ANK2: variants seen among roughly 807,000 people sequenced by gnomAD.
ANK2 encodes the protein ankyrin 2.
ANK2 carries 83 observed loss-of-function variants against 360.5 expected under a neutral mutation model. That is an observed-to-expected ratio of 0.23 (90% CI 0.19 to 0.28). The LOEUF (loss-of-function observed/expected upper bound fraction) is 0.28, where lower values mean the gene tolerates loss of function less well. Among genes scored for constraint, ANK2 ranks in the 10% least tolerant of loss-of-function variants. ANK2 has a pLI of 1.00. For missense variants in ANK2, 4,201 were observed against 4,795.7 expected, an observed-to-expected ratio of 0.88 and a Z score of 3.66; for synonymous variants, 1,740 against 1,759.5, an observed-to-expected ratio of 0.99 and a Z score of 0.28.
chr4:113,162,731 GTTT>G (rs11348131), intron 1 of ANK2, among the ~76,000 whole-genome samples: 21 of 133,100 alleles, frequency 1.6e-4, no homozygotes, highest in Non-Finnish European at 1.8e-4. Context: ...GTAGCTAAAG[GTTT>G]TTTTTTTTTT....
chr4:113,254,099 A>G (rs535707505), intron 10 of ANK2, among the ~76,000 whole-genome samples: 1 of 152,190 alleles, frequency 6.6e-6, no homozygotes, highest in South Asian at 2.1e-4. Context: ...TTCACGTCAA[A>G]ACTCATCTTC....
At position 113,355,634 on chromosome 4, in the gene ANK2, C is replaced by T. The variant is rs1167609552; in HGVS notation, c.7016C>T (p.Thr2339Ile). The T allele has an allele frequency of 6.2e-7, 1 of 1,614,084 alleles. No individual in the cohort carries two copies. The highest frequency in any genetic ancestry group is 1.1e-5 in the South Asian group (1 of 91,080). Residue 2339 changes from threonine (T) to isoleucine (I), a missense_variant, in exon 38 of 46, where the codon ACA (threonine) becomes ATA (isoleucine). By Grantham distance (89) the Thr-to-Ile change is moderately conservative (BLOSUM62 -1). Transcript: ENST00000357077. ...GSCSVALAKE[T>I]PTGLTEEAAC... is the part of the protein sequence containing the mutation. ...TGTAGTGTAGCATTAGCTAAAGAGA[C>T]ACCTACAGGACTGACTGAGGAGGCA... is the stretch of plus-strand genomic sequence containing the variant.
chr4:113,315,551 T>C lies in ANK2; in HGVS notation c.2694-2156T>C, dbSNP rs141690177. Among the ~76,000 whole-genome samples the C allele has an allele frequency of 1.9e-3, 282 of 152,264 alleles. 1 individual carries two copies. Among genetic ancestry groups the C allele is most frequent in the African/African-American group, 6.2e-3 (257 of 41,554 alleles). On this transcript the variant is annotated intron_variant, in intron 24 of 45. Coordinates refer to ENST00000357077, the MANE Select transcript of ANK2 (RefSeq NM_001148.6). The stretch of plus-strand genomic sequence containing the variant: ...ACAGAAGAGGTTGGCTCCTCTACTA[T>C]TTTCCCTTCCTTAGCCAAATTCAAA...
the ANK2 span, among the ~76,000 whole-genome samples, chr4:112,807,605 A>G: frequency 6.6e-6 from 1 of 152,258 alleles, no homozygotes; most frequent in African/African-American, 2.4e-5. Flanking sequence ...GAATTTTAAA[A>G]TAGGTGGTTT....
chr4:113,158,521 C>T (rs2097386282), intron 1 of ANK2, among the ~76,000 whole-genome samples: 1 of 152,004 alleles, frequency 6.6e-6, no homozygotes, highest in Non-Finnish European at 1.5e-5. Flanking sequence ...TAAACCAAAT[C>T]AAAGTGGAGC....
At chr4:113,220,654 A>G (rs1318624328) in intron 4 of ANK2, among the ~76,000 whole-genome samples, 1 of 152,230 alleles carries the variant, frequency 6.6e-6, no homozygotes, top group Non-Finnish European at 1.5e-5. Flanking sequence ...TCATTTTTGC[A>G]AAGTGAAACA....
the ANK2 span, among the ~76,000 whole-genome samples, chr4:112,776,226 G>A: frequency 8.7e-4 from 133 of 152,288 alleles, no homozygotes; most frequent in Non-Finnish European, 1.6e-3. Context: ...ATTAGCAAGA[G>A]AAAAACATAC....
At chr4:113,080,616 G>C (rs1242787352) in intron 1 of ANK2, among the ~76,000 whole-genome samples, 2 of 151,988 alleles carry the variant, frequency 1.3e-5, no homozygotes, top group Non-Finnish European at 2.9e-5. Context: ...CATTCCATTC[G>C]AGAATATATA....
the ANK2 span, among the ~76,000 whole-genome samples, chr4:112,787,266 A>G: frequency 2.0e-5 from 3 of 152,204 alleles, no homozygotes; most frequent in African/African-American, 7.2e-5. Flanking sequence ...GTTGACCTTC[A>G]AAGTTCTTCA....
the ANK2 span, among the ~76,000 whole-genome samples, chr4:112,729,505 C>T: frequency 1.3e-5 from 2 of 152,062 alleles, no homozygotes; most frequent in African/African-American, 4.8e-5. Flanking sequence ...CCTATAATCC[C>T]AGCACTTTGG....
chr4:112,943,006 C>T (rs142663524), intron 2 of ANK2, among the ~76,000 whole-genome samples: 368 of 152,166 alleles, frequency 2.4e-3, no homozygotes, highest in African/African-American at 7.9e-3. Flanking sequence ...AACCATCAAT[C>T]GCTTGCTTCT....
At chr4:112,771,057 TG>T in the ANK2 span, among the ~76,000 whole-genome samples, 1 of 152,216 alleles carries the variant, frequency 6.6e-6, no homozygotes, top group African/African-American at 2.4e-5. Context: ...AGTTTGTGGC[TG>T]GGGCCCCTGT....
chr4:113,124,188 C>A (rs1478421313), intron 1 of ANK2, among the ~76,000 whole-genome samples: 1 of 152,164 alleles, frequency 6.6e-6, no homozygotes, highest in African/African-American at 2.4e-5. Context: ...ACACGTTATG[C>A]TGTTTTGAAA....
At chr4:113,282,345 C>T (rs1423028603) in intron 17 of ANK2, among the ~76,000 whole-genome samples, 1 of 152,024 alleles carries the variant, frequency 6.6e-6, no homozygotes, top group African/African-American at 2.4e-5. Flanking sequence ...AAAATCATCC[C>T]CAGTATTTAA....
chr4:112,850,557 C>T (rs1241395561), intron 1 of ANK2, among the ~76,000 whole-genome samples: 1 of 86,448 alleles, frequency 1.2e-5, no homozygotes, highest in Non-Finnish European at 2.1e-5. Flanking sequence ...CTCTCTGTCT[C>T]CCAAGCTGGA....
At chr4:113,015,110 T>G (rs1023733044) in intron 2 of ANK2, among the ~76,000 whole-genome samples, 5 of 151,894 alleles carry the variant, frequency 3.3e-5, no homozygotes, top group Admixed American at 2.0e-4. Flanking sequence ...CGCCCGCCTC[T>G]GCCTCCCAAA....
chr4:112,907,435 A>G (rs2150963170), intron 2 of ANK2, among the ~76,000 whole-genome samples: 1 of 152,282 alleles, frequency 6.6e-6, no homozygotes, highest in South Asian at 2.1e-4. Context: ...AGCAAAGAGA[A>G]CTATTCTGAT....
rs1044111817 is a variant in ANK2, at chr4:113,278,058, T to C, written c.1782+123T>C. ...GAGCAACTGATGAAACTATCCCAAA[T>C]AGACATGGTGGCGATGTCTTCCATG... is the stretch of plus-strand genomic sequence containing the variant. On this transcript the variant is annotated intron_variant, in intron 16 of 45. Transcript: ENST00000357077. 26 of 956,132 alleles carry C rather than the reference T, an allele frequency of 2.7e-5. 1 individual carries two copies. In the Admixed American group the frequency reaches 4.1e-4, roughly 15 times the overall value. The allele number at this position is 956,132 out of a possible 1,614,324, so 59.2% of individuals were successfully genotyped here.
chr4:113,254,460 A>C (rs986130413), intron 10 of ANK2, among the ~76,000 whole-genome samples: 5 of 152,180 alleles, frequency 3.3e-5, no homozygotes, highest in Non-Finnish European at 7.3e-5. Flanking sequence ...ATGAATGTTA[A>C]TTTTTCAAAG....
Sources: allele counts gnomAD v4.1 joint callset (sites outside exome capture counted in the v4.1 genomes callset), GRCh38; gene constraint gnomAD v4.1.1; transcripts MANE v1.5; gene names NCBI Gene and HGNC (gene_info 2026-07-23, HGNC 2026-07-21).